Variants in RILP observed in about 807,000 individuals in gnomAD.
RILP encodes rab-interacting lysosomal protein.
RILP carries 53 observed loss-of-function variants against 40.0 expected under a neutral mutation model. The ratio of observed to expected loss-of-function variants is 1.32; its 90% CI spans 1.06 to 1.66. RILP has a LOEUF of 1.66. Ranked by LOEUF, RILP falls within the 40% of genes most tolerant of loss-of-function variation. The pLI is 0.00. For missense variants in RILP, 626 were observed against 551.7 expected (o/e 1.13, Z -1.35); for synonymous variants, 272 against 250.6 (o/e 1.09, Z -0.80).
Position 1,647,878 on chromosome 17 carries a change from T to C in RILP, c.901A>G (p.Ile301Val). The change falls in exon 6 of 8, where the codon ATC (isoleucine) becomes GTC (valine). Residue 301 changes from isoleucine to valine, a missense_variant. Ile to Val is a conservative substitution (Grantham distance 29, BLOSUM62 3). Coordinates refer to ENST00000301336, the MANE Select transcript of RILP (RefSeq NM_031430.3). Reference protein sequence around the residue: ...KVAVRKQRKKIKAKMLGTPEE... With the variant: ...KVAVRKQRKKVKAKMLGTPEE... ...GGTGTCCCTAACATCTTGGCCTTGA[T>C]CTTCTTCCGCTGCTTCCGGACAGCC... The C allele has an allele frequency of 6.2e-7, 1 of 1,614,128 alleles. No individual in the cohort carries two copies. Among genetic ancestry groups the C allele is most frequent in the Non-Finnish European group, 8.5e-7 (1 of 1,180,014 alleles).
rs370517636 is a variant in RILP at position 1,648,088 on chromosome 17, G to A, written c.822-131C>T. 5.3e-5 allele frequency: 69 copies of A among 1,300,992 alleles called. No individual in the cohort carries two copies. In the African/African-American group the frequency reaches 6.4e-4, roughly 12 times the overall value. 80.6% of individuals were successfully genotyped at this position (1,300,992 alleles called of 1,614,324 possible). ...CAGCTCTTCCCTGAACACGGGAAGCGCTCTGCCTTGCTGACACCCTCAGAC... is the reference window on the plus strand; with the variant it reads ...CAGCTCTTCCCTGAACACGGGAAGCACTCTGCCTTGCTGACACCCTCAGAC... On this transcript the variant is annotated intron_variant, in intron 5 of 7. Transcript: ENST00000301336. The surrounding 1 kb of genome is among the most constrained non-coding windows in gnomAD (Gnocchi z 4.9).
chr17:1,646,902 A>G lies in RILP; in HGVS notation c.1028+4T>C, dbSNP rs1430653713. 8.8e-6 allele frequency: 14 copies of G among 1,589,088 alleles called. No homozygotes were observed. The East Asian group carries it at 3.2e-4, about 36-fold the overall frequency. ...CTCTTGCCTTTCCCCTTTCCCCAAC[A>G]TACAAACTCTGTATTTTGGACTCCG... On this transcript the variant is annotated splice_donor_region_variant and intron_variant, in intron 7 of 7. Transcript: ENST00000301336. This position sits in a 1 kb window ranked among gnomAD's most constrained non-coding sequence, Gnocchi z 4.3.
chr17:1,647,693 A>T, intron 6 of RILP, 142 bp downstream of exon 6: 1 of 1,047,660 alleles, frequency 9.5e-7, no homozygotes, highest in Non-Finnish European at 1.4e-6. Context: ...CGGCCAGGCT[A>T]GGGAGGCTCA....
rs770408771 is a variant in RILP at position 1,648,545 on chromosome 17, C to G, written c.676-50G>C. On this transcript the variant is annotated intron_variant, in intron 4 of 7. Transcript: ENST00000301336. The surrounding 1 kb of genome is among the most constrained non-coding windows in gnomAD (Gnocchi z 4.9). Reference sequence around the variant, plus strand: ...AGGGTCGCCTCGGCTGGCGTTCCCCCGCCCCAGGGCCATCATGGGAATGCT... The same window carrying G: ...AGGGTCGCCTCGGCTGGCGTTCCCCGGCCCCAGGGCCATCATGGGAATGCT... The G allele has an allele frequency of 8.2e-6, 13 of 1,594,748 alleles. No individual in the cohort carries two copies. Among genetic ancestry groups the G allele is most frequent in the Non-Finnish European group, 1.0e-5 (12 of 1,173,618 alleles).
rs1910727138 is a variant in RILP at position 1,648,236 on chromosome 17, A to G, written c.821+114T>C. On this transcript the variant is annotated intron_variant, in intron 5 of 7. Coordinates refer to ENST00000301336, the MANE Select transcript of RILP (RefSeq NM_031430.3). The surrounding 1 kb of genome is among the most constrained non-coding windows in gnomAD (Gnocchi z 4.9). ...ATTGCAGGAGGGCAAGGGCTGTACAATTCATGTCCTCCCAGTTCCCAGCGC... is the reference window on the plus strand; with the variant it reads ...ATTGCAGGAGGGCAAGGGCTGTACAGTTCATGTCCTCCCAGTTCCCAGCGC... 2 of 1,363,960 alleles carry G rather than the reference A, an allele frequency of 1.5e-6. No individual in the cohort carries two copies. The highest frequency in any genetic ancestry group is 2.5e-5 in the East Asian group (1 of 40,808). 84.5% of individuals were successfully genotyped at this position (1,363,960 alleles called of 1,614,324 possible).
Position 1,649,053 on chromosome 17 carries a change from G to A in RILP, c.430-9C>T. Reference sequence around the variant, plus strand: ...TGCAGCTGCTCCTGCAACTGGGAGCGGAGCAAAGGGTGGGGTGGGCGGGGC... The same window carrying A: ...TGCAGCTGCTCCTGCAACTGGGAGCAGAGCAAAGGGTGGGGTGGGCGGGGC... On this transcript the variant is annotated splice_polypyrimidine_tract_variant and intron_variant, in intron 3 of 7. Coordinates refer to ENST00000301336, the MANE Select transcript of RILP (RefSeq NM_031430.3). This position sits in a 1 kb window ranked among gnomAD's most constrained non-coding sequence, Gnocchi z 4.3. 6.2e-6 allele frequency: 7 copies of A among 1,122,790 alleles called. No homozygotes were observed. The highest frequency in any genetic ancestry group is 4.3e-5 in the Admixed American group (1 of 23,116). 69.6% of individuals were successfully genotyped at this position (1,122,790 alleles called of 1,614,324 possible). A position where few individuals can be genotyped will look rare whatever the true frequency, so the allele number is the denominator to read the frequency against.
chr17:1,648,025 A>C lies in RILP; in HGVS notation c.822-68T>G, dbSNP rs1460381908. On this transcript the variant is annotated intron_variant, in intron 5 of 7. Transcript: ENST00000301336. The surrounding 1 kb of genome is among the most constrained non-coding windows in gnomAD (Gnocchi z 4.9). Reference sequence around the variant, plus strand: ...AGCCATGGGGATGCCAGCAGTGGAGATGCCAGCCGCAGTCCTCACTCCTGG... The same window carrying C: ...AGCCATGGGGATGCCAGCAGTGGAGCTGCCAGCCGCAGTCCTCACTCCTGG... 3.8e-6 allele frequency: 6 copies of C among 1,591,602 alleles called. No homozygotes were observed. In the African/African-American group the frequency reaches 8.0e-5, roughly 21 times the overall value.
chr17:1,648,456 C>G lies in RILP; in HGVS notation c.715G>C (p.Gly239Arg). ...TCCTCCCGACTGAAGCGGCACTGCC[C>G]TGCCTCCGAGGGGCGCCCGAGCTGC... ...AQQLGRPSEA[G>R]QCRFSREEFE... The change falls in exon 5 of 8, where the codon GGG becomes CGG. Residue 239 changes from glycine to arginine, a missense_variant. Physicochemically the swap from Gly to Arg is moderately radical, Grantham distance 125. Transcript: ENST00000301336. This position sits in a 1 kb window ranked among gnomAD's most constrained non-coding sequence, Gnocchi z 4.9. The G allele has an allele frequency of 6.2e-7, 1 of 1,614,012 alleles. No individual in the cohort carries two copies. The highest frequency in any genetic ancestry group is 1.1e-5 in the South Asian group (1 of 91,080).
intron 6 of RILP, 23 bp from the exon 7 acceptor site, chr17:1,647,012 A>C (rs1910634687): frequency 3.9e-6 from 6 of 1,526,664 alleles, no homozygotes; most frequent in African/African-American, 1.4e-5. Flanking sequence ...AGAGAGGAGA[A>C]GTGAGGGCCA....
Position 1,649,634 on chromosome 17 carries a change from T to C in RILP, c.171A>G (p.Leu57=), listed in dbSNP as rs1469475393. 1 of 1,585,536 alleles carries C rather than the reference T, an allele frequency of 6.3e-7. No homozygotes were observed. The highest frequency in any genetic ancestry group is 2.3e-5 in the East Asian group (1 of 44,228). The change falls in exon 1 of 8, where the codon CTA becomes CTG. Residue 57 remains leucine (L), a synonymous_variant. Transcript: ENST00000301336. The surrounding 1 kb of genome is among the most constrained non-coding windows in gnomAD (Gnocchi z 4.3). ...GPEAAAGLVP[L]VVRALELLEQ... is the part of the protein sequence containing the mutation. The stretch of plus-strand genomic sequence containing the variant: ...CCAAGAGCTCCAGCGCCCGCACCAC[T>C]AGCGGCACCAGCCCGGCCGCCGCCT...
At position 1,648,609 on chromosome 17, in the gene RILP, T is replaced by C; in HGVS notation, c.676-114A>G. ...GGCCGGGAGACTTGGGGGACAAGGG[T>C]GCCCTAACAGATAACAGAGCAGTGC... On this transcript the variant is annotated intron_variant, in intron 4 of 7. Coordinates refer to ENST00000301336, the MANE Select transcript of RILP (RefSeq NM_031430.3). This position sits in a 1 kb window ranked among gnomAD's most constrained non-coding sequence, Gnocchi z 4.9. 6.8e-7 allele frequency: 1 copy of C among 1,469,286 alleles called. No homozygotes were observed. 91.0% of individuals were successfully genotyped at this position (1,469,286 alleles called of 1,614,324 possible). A position where few individuals can be genotyped will look rare whatever the true frequency, so the allele number is the denominator to read the frequency against.
At chr17:1,647,113 G>C (rs1310653481) in intron 6 of RILP, 124 bp from the exon 7 acceptor site, 1 of 494,360 alleles carries the variant, frequency 2.0e-6, no homozygotes, top group Admixed American at 3.7e-5. Flanking sequence ...CAACCCTGGG[G>C]AGATGCAGGA....
intron 6 of RILP, among the ~76,000 whole-genome samples, chr17:1,647,493 C>T (rs1910681816): frequency 6.6e-6 from 1 of 152,120 alleles, no homozygotes; most frequent in African/African-American, 2.4e-5. Context: ...GCCGCGGCTA[C>T]AGTTTCACCC....
At position 1,648,997 on chromosome 17, in the gene RILP, C is replaced by T; in HGVS notation, c.477G>A (p.Arg159=). The change falls in exon 4 of 8, where the codon CGG becomes CGA. Residue 159 remains arginine, a synonymous_variant. Transcript: ENST00000301336. This position sits in a 1 kb window ranked among gnomAD's most constrained non-coding sequence, Gnocchi z 4.9. ...QRLLLVNAEL[R]HKLAAMQTQL... ...GGGTCTGCATGGCCGCCAGCTTGTG[C>T]CGCAGCTCAGCGTTCACCAGCAGGA... 6.8e-7 allele frequency: 1 copy of T among 1,475,248 alleles called. No homozygotes were observed. The highest frequency in any genetic ancestry group is 8.9e-7 in the Non-Finnish European group (1 of 1,117,910). 91.4% of individuals were successfully genotyped at this position (1,475,248 alleles called of 1,614,324 possible).
At position 1,646,838 on chromosome 17, in the gene RILP, C is replaced by T. The variant is rs11867411; in HGVS notation, c.1028+68G>A. 3.2e-6 allele frequency: 4 copies of T among 1,256,708 alleles called. No individual in the cohort carries two copies. The highest frequency in any genetic ancestry group is 3.0e-5 in the African/African-American group (2 of 66,634). 77.8% of individuals were successfully genotyped at this position (1,256,708 alleles called of 1,614,324 possible). On this transcript the variant is annotated intron_variant, in intron 7 of 7. Transcript: ENST00000301336. The surrounding 1 kb of genome is among the most constrained non-coding windows in gnomAD (Gnocchi z 4.3). ...GGGCAGAGAAGCGGGAAAGGGGATC[C>T]TGAGAAGGACCAGCCAGGGCCCTTC...
rs181925864 is a variant in RILP at position 1,646,373 on chromosome 17, G to A, written c.*69C>T. The A allele has an allele frequency of 1.4e-5, 20 of 1,443,902 alleles. No individual in the cohort carries two copies. The East Asian group carries it at 2.6e-4, about 19-fold the overall frequency. The allele number at this position is 1,443,902 out of a possible 1,614,324, so 89.4% of individuals were successfully genotyped here. A position where few individuals can be genotyped will look rare whatever the true frequency, so the allele number is the denominator to read the frequency against. On this transcript the variant is annotated 3_prime_UTR_variant, in exon 8 of 8. Coordinates refer to ENST00000301336, the MANE Select transcript of RILP (RefSeq NM_031430.3). This position sits in a 1 kb window ranked among gnomAD's most constrained non-coding sequence, Gnocchi z 4.3. ...GCCAGGATTGGGGCAGACCCCTGGC[G>A]AGGGCTGTGAAGGCGGGAGCCCTGT...
At position 1,648,329 on chromosome 17, in the gene RILP, C is replaced by T; in HGVS notation, c.821+21G>A. On this transcript the variant is annotated intron_variant, in intron 5 of 7. Transcript: ENST00000301336. This position sits in a 1 kb window ranked among gnomAD's most constrained non-coding sequence, Gnocchi z 4.9. ...ATGAGGTGGGGTGATCGGAGGCCCC[C>T]CGGCTTCCCAGCGTCCTCACCGCTG... 2 of 1,609,926 alleles carry T rather than the reference C, an allele frequency of 1.2e-6. No individual in the cohort carries two copies. Among genetic ancestry groups the T allele is most frequent in the African/African-American group, 2.7e-5 (2 of 75,020 alleles).
rs1417940338 is a variant in RILP at position 1,649,420 on chromosome 17, C to T, written c.314G>A (p.Gly105Glu). Reference protein sequence around the residue: ...NERLRRELRAGPQEERALLRQ... With the variant: ...NERLRRELRAEPQEERALLRQ... The stretch of plus-strand genomic sequence containing the variant: ...GCCGGGGCTGCGCTTACCCTGTGGC[C>T]CCGCGCGCAGCTCCCTGCGGAGGCG... The change falls in exon 2 of 8, where the codon GGG becomes GAG. Residue 105 changes from glycine to glutamate, a missense_variant. By Grantham distance (98) the Gly-to-Glu change is moderately conservative. Transcript: ENST00000301336. The surrounding 1 kb of genome is among the most constrained non-coding windows in gnomAD (Gnocchi z 4.3). The T allele has an allele frequency of 3.7e-5, 56 of 1,506,646 alleles. No individual in the cohort carries two copies. The highest frequency in any genetic ancestry group is 4.6e-5 in the Non-Finnish European group (52 of 1,135,288). 93.3% of individuals were successfully genotyped at this position (1,506,646 alleles called of 1,614,324 possible).
chr17:1,646,639 G>GACA lies in RILP; in HGVS notation c.1029-21_1029-20insTGT. 2 of 1,549,908 alleles carry GACA rather than the reference G, an allele frequency of 1.3e-6. No homozygotes were observed. Among genetic ancestry groups the GACA allele is most frequent in the Non-Finnish European group, 1.7e-6 (2 of 1,147,174 alleles). ...CCAAAGCTGGAGAGAGACAGCCAGA[G>GACA]GCACTTTGAGCCAGGAAGCCAGAGA... is the stretch of plus-strand genomic sequence containing the variant. On this transcript the variant is annotated intron_variant, in intron 7 of 7. Transcript: ENST00000301336. The surrounding 1 kb of genome is among the most constrained non-coding windows in gnomAD (Gnocchi z 4.3).
Sources: allele counts gnomAD v4.1 joint callset (sites outside exome capture counted in the v4.1 genomes callset), GRCh38; gene constraint gnomAD v4.1.1; non-coding constraint Gnocchi (gnomAD v3.1); transcripts MANE v1.5; gene names NCBI Gene and HGNC (gene_info 2026-07-23, HGNC 2026-07-21).